MME: variants seen among roughly 807,000 people sequenced by gnomAD.
MME encodes the protein neprilysin.
A neutral mutation model predicts 113.2 loss-of-function variants in MME; 98 were observed. The ratio of observed to expected loss-of-function variants is 0.87; its 90% CI spans 0.74 to 1.02. MME has a LOEUF of 1.02. Among genes scored for constraint, MME ranks in the 50% least tolerant of loss-of-function variants. The pLI, the probability that MME is intolerant of heterozygous loss-of-function variation, is 0.00. For missense variants in MME, 836 were observed against 896.0 expected (o/e 0.93, Z 0.86); for synonymous variants, 292 against 300.6 (o/e 0.97, Z 0.30).
Position 155,116,708 on chromosome 3 carries a change from C to T in MME, c.484C>T (p.Pro162Ser). ...RGGEPLLKLLPDIYGWPVATE... is the reference protein window; with the variant it reads ...RGGEPLLKLLSDIYGWPVATE... ...TGGAGAACCTCTACTCAAACTGTTA[C>T]CAGACATATATGGGTGGCCAGTAGC... The change falls in exon 6 of 23, where the codon CCA (proline) becomes TCA (serine). Residue 162 changes from proline to serine, a missense_variant. Physicochemically the swap from Pro to Ser is moderately conservative, Grantham distance 74 (BLOSUM62 -1). Transcript: ENST00000360490. 4 of 1,613,314 alleles carry T rather than the reference C, an allele frequency of 2.5e-6. No individual in the cohort carries two copies. The highest frequency in any genetic ancestry group is 3.4e-6 in the Non-Finnish European group (4 of 1,179,726).
chr3:155,034,250 A>C (rs1185866412), intron 1 of MME, among the ~76,000 whole-genome samples: 2 of 152,200 alleles, frequency 1.3e-5, no homozygotes, highest in African/African-American at 4.8e-5. Context: ...GTGTTCTCTG[A>C]CCATCAAAGA....
At chr3:155,114,252 T>C (rs1718416069) in intron 3 of MME, among the ~76,000 whole-genome samples, 1 of 152,208 alleles carries the variant, frequency 6.6e-6, no homozygotes, top group Admixed American at 6.5e-5. Flanking sequence ...ATTCTCCTCT[T>C]CGTTGGTAAT....
chr3:155,045,521 A>G (rs1326452999), intron 1 of MME, among the ~76,000 whole-genome samples: 2 of 142,216 alleles, frequency 1.4e-5, no homozygotes, highest in African/African-American at 5.4e-5. Flanking sequence ...AAAATTAATT[A>G]TCTTTTTTTT....
At chr3:155,167,068 A>T in intron 18 of MME, 47 bp downstream of exon 18, 1 of 1,607,262 alleles carries the variant, frequency 6.2e-7, no homozygotes. Context: ...TATGCTCATA[A>T]ATTTGATTAA....
chr3:155,080,435 C>T lies in MME; in HGVS notation c.-42C>T, dbSNP rs1715024529. The T allele has an allele frequency of 6.6e-6, 1 of 151,832 alleles. No individual in the cohort carries two copies. Among genetic ancestry groups the T allele is most frequent in the South Asian group, 2.1e-4 (1 of 4,816 alleles). 9.4% of individuals were successfully genotyped at this position (151,832 alleles called of 1,614,324 possible). The stretch of plus-strand genomic sequence containing the variant: ...AATTTGCCATTCTGCTGTACAGACA[C>T]TGATTTTTTTTTCTTCTTTTTAAAA... On this transcript the variant is annotated 5_prime_UTR_variant, in exon 1 of 23. Coordinates refer to ENST00000360490, the MANE Select transcript of MME (RefSeq NM_007289.4).
chr3:155,046,591 G>A (rs368276372), intron 1 of MME, among the ~76,000 whole-genome samples: 12 of 152,296 alleles, frequency 7.9e-5, no homozygotes, highest in East Asian at 5.8e-4. Context: ...TTAGGAGGCC[G>A]AGGCAGGAGA....
chr3:155,116,499 A>C lies in MME; in HGVS notation c.379A>C (p.Thr127Pro), dbSNP rs1718617664. 1.2e-6 allele frequency: 2 copies of C among 1,612,260 alleles called. No individual in the cohort carries two copies. Among genetic ancestry groups the C allele is most frequent in the Non-Finnish European group, 1.7e-6 (2 of 1,178,636 alleles). The change falls in exon 5 of 23, where the codon ACT becomes CCT. Residue 127 changes from threonine to proline, a missense_variant. Transcript: ENST00000360490. ...TTCAGATGTCCTTCAAGAACCCAAA[A>C]CTGAAGATATAGTAGCAGTGCAGAA... Reference protein sequence around the residue: ...VLKDVLQEPKTEDIVAVQKAK... With the variant: ...VLKDVLQEPKPEDIVAVQKAK...
intron 3 of MME, among the ~76,000 whole-genome samples, chr3:155,111,503 T>C (rs7649252): frequency 0.026 from 3,901 of 152,308 alleles, 155 homozygotes; most frequent in African/African-American, 0.089. Flanking sequence ...GTTGTGCAGA[T>C]GCAAGTAATT....
At chr3:155,140,410 CTTTTTTTTT>C (rs35653282) in intron 10 of MME, 118 bp downstream of exon 10, 36 of 288,838 alleles carry the variant, frequency 1.2e-4, no homozygotes, top group Middle Eastern at 1.1e-3. Context: ...ACTTCAATTC[CTTTTTTTTT>C]TTTTTTTTTT....
At chr3:155,098,072 C>A (rs995456108) in intron 3 of MME, among the ~76,000 whole-genome samples, 10 of 152,142 alleles carry the variant, frequency 6.6e-5, no homozygotes, top group African/African-American at 2.2e-4. Flanking sequence ...TAAATAAACA[C>A]ACACACATAT....
At position 155,180,466 on chromosome 3, in the gene MME, A is replaced by G; in HGVS notation, c.*7A>G. 4 of 1,609,014 alleles carry G rather than the reference A, an allele frequency of 2.5e-6. No individual in the cohort carries two copies. Among genetic ancestry groups the G allele is most frequent in the Non-Finnish European group, 3.4e-6 (4 of 1,175,494 alleles). On this transcript the variant is annotated 3_prime_UTR_variant, in exon 23 of 23. Transcript: ENST00000360490. ...GAAGTGCCGGGTTTGGTGATCTTCA[A>G]AAGAAGCATTGCAGCCCTTGGCTAG... is the stretch of plus-strand genomic sequence containing the variant.
intron 3 of MME, among the ~76,000 whole-genome samples, chr3:155,088,383 AAG>A (rs1453542339): frequency 6.6e-6 from 1 of 152,144 alleles, no homozygotes; most frequent in Non-Finnish European, 1.5e-5. Context: ...TGGAAAGAAA[AAG>A]AAATGTGAAA....
chr3:155,133,062 A>AATATATATATATAT (rs1553762420), intron 8 of MME, among the ~76,000 whole-genome samples: 26 of 75,060 alleles, frequency 3.5e-4, no homozygotes, highest in African/African-American at 1.1e-3. Context: ...AAAAAAAAAA[A>AATATATATATATAT]ATATATATAT....
chr3:155,177,251 C>A (rs1712631844), intron 22 of MME, among the ~76,000 whole-genome samples: 2 of 152,194 alleles, frequency 1.3e-5, no homozygotes, highest in African/African-American at 4.8e-5. Flanking sequence ...ACATGCAGCT[C>A]TTCCAGTCAG....
chr3:155,096,223 G>A (rs963016254), intron 3 of MME, among the ~76,000 whole-genome samples: 5 of 152,160 alleles, frequency 3.3e-5, no homozygotes, highest in African/African-American at 4.8e-5. Context: ...TTAAAATGCC[G>A]CAGGGGACAT....
intron 1 of MME, among the ~76,000 whole-genome samples, chr3:155,054,789 C>T (rs530137721): frequency 6.6e-6 from 1 of 152,288 alleles, no homozygotes; most frequent in East Asian, 1.9e-4. Flanking sequence ...TGCACTCTTG[C>T]CTGGGCAACA....
intron 3 of MME, among the ~76,000 whole-genome samples, chr3:155,102,714 T>C (rs1305294879): frequency 1.3e-5 from 2 of 152,280 alleles, no homozygotes; most frequent in East Asian, 1.9e-4. Context: ...CTGCTGTTTC[T>C]TGCTACCTCA....
chr3:155,066,836 T>A (rs1262961404), intron 1 of MME, among the ~76,000 whole-genome samples: 3 of 152,138 alleles, frequency 2.0e-5, no homozygotes, highest in Non-Finnish European at 4.4e-5. Context: ...TACAGAGATG[T>A]TACACAAATA....
At chr3:155,128,570 G>C (rs569920749) in intron 8 of MME, among the ~76,000 whole-genome samples, 14 of 152,120 alleles carry the variant, frequency 9.2e-5, no homozygotes, top group Admixed American at 7.9e-4. Context: ...TTTTATATAT[G>C]CTTTTCCCTT....
Sources: allele counts gnomAD v4.1 joint callset (sites outside exome capture counted in the v4.1 genomes callset), GRCh38; gene constraint gnomAD v4.1.1; transcripts MANE v1.5; gene names NCBI Gene and HGNC (gene_info 2026-07-23, HGNC 2026-07-21).